TSBP1: variants seen among roughly 807,000 people sequenced by gnomAD.
TSBP1 encodes the protein testis expressed basic protein 1.
In TSBP1, 56 loss-of-function variants were observed where a neutral mutation model predicts 68.8. The observed-to-expected ratio is 0.81, with a 90% CI of 0.66 to 1.02. The LOEUF is 1.02. Among genes scored for constraint, TSBP1 ranks in the 50% least tolerant of loss-of-function variants. TSBP1 has a pLI of 0.00. For missense variants in TSBP1, 502 were observed against 641.2 expected (o/e 0.78, Z 2.34); for synonymous variants, 171 against 208.7 (o/e 0.82, Z 1.56).
chr6:32,311,539 G>C (rs1222043191), intron 19 of TSBP1, among the ~76,000 whole-genome samples: 4 of 152,170 alleles, frequency 2.6e-5, no homozygotes, highest in Admixed American at 2.6e-4. Context: ...GATTCTTGAG[G>C]CTGTGCAGTG....
intron 22 of TSBP1, among the ~76,000 whole-genome samples, chr6:32,296,241 C>CAATTATCAATT (rs772305110): frequency 0.046 from 7,004 of 152,158 alleles, 360 homozygotes; most frequent in African/African-American, 0.13. Flanking sequence ...CACATAACTT[C>CAATTATCAATT]AGAATTTTAT....
Position 32,343,173 on chromosome 6 carries a change from A to G in TSBP1, c.350-3535T>C. 2.2e-6 allele frequency: 2 copies of G among 925,694 alleles called. No individual in the cohort carries two copies. Among genetic ancestry groups the G allele is most frequent in the Non-Finnish European group, 3.0e-6 (2 of 674,516 alleles). The allele number at this position is 925,694 out of a possible 1,614,324, so 57.3% of individuals were successfully genotyped here. ...GAAACAGGAAATAGTTAAGACAGGG[A>G]GAAGTCCTCTGCCTAGCATAGGAGC... On this transcript the variant is annotated intron_variant, in intron 9 of 22. Coordinates refer to ENST00000612031, the Ensembl canonical transcript of TSBP1. The surrounding 1 kb of genome is among the most constrained non-coding windows in gnomAD (Gnocchi z 4.3).
At chr6:32,368,795 G>A in exon 3 of TSBP1, 1 of 1,586,764 alleles carries the variant, frequency 6.3e-7, no homozygotes, top group South Asian at 1.1e-5. Context: ...GTTCTGAACT[G>A]TATCTGGAGA....
exon 23 of TSBP1, chr6:32,293,274 C>G: frequency 6.2e-7 from 1 of 1,607,024 alleles, no homozygotes; most frequent in Non-Finnish European, 8.5e-7. Context: ...TCCAGTGTTT[C>G]TGGTACACTC....
rs1766365245 is a variant in TSBP1, at chr6:32,311,104, G to C, written c.580+4668C>G. On this transcript the variant is annotated intron_variant, in intron 19 of 22. Coordinates refer to ENST00000612031, the Ensembl canonical transcript of TSBP1. The stretch of plus-strand genomic sequence containing the variant: ...AGTGCTGCGAGACCCCCCCTTTACT[G>C]GTTCTCCTTCTTTCTCCCTGCTCAC... Among the ~76,000 whole-genome samples the C allele has an allele frequency of 2.6e-5, 4 of 151,746 alleles. No homozygotes were observed. The South Asian group carries it at 8.3e-4, about 32-fold the overall frequency.
Position 32,364,021 on chromosome 6 carries a change from G to A in TSBP1, c.217+2146C>T, listed in dbSNP as rs1050008193. ...TTTACGGGTAAAGAGTTATTGGTTGGCAGTTTTTTTCTTTCAGCAAATTGA... is the reference window on the plus strand; with the variant it reads ...TTTACGGGTAAAGAGTTATTGGTTGACAGTTTTTTTCTTTCAGCAAATTGA... On this transcript the variant is annotated intron_variant, in intron 6 of 22. Coordinates refer to ENST00000612031, the Ensembl canonical transcript of TSBP1. Among the ~76,000 whole-genome samples, 8 of 152,050 alleles carry A rather than the reference G, an allele frequency of 5.3e-5. No homozygotes were observed. In the South Asian group the frequency reaches 6.2e-4, roughly 12 times the overall value.
At chr6:32,367,821 AGATATGCT>A in intron 4 of TSBP1, 96 bp downstream of exon 4, 1 of 816,694 alleles carries the variant, frequency 1.2e-6, no homozygotes, top group South Asian at 1.8e-5. Context: ...TAAAAACGAA[AGATATGCT>A]GACTCAACAA....
intron 4 of TSBP1, among the ~76,000 whole-genome samples, chr6:32,367,547 A>G (rs1282834304): frequency 6.6e-6 from 1 of 152,184 alleles, no homozygotes; most frequent in Non-Finnish European, 1.5e-5. Context: ...AAATGGGGAT[A>G]AGCTTTGTTT....
At chr6:32,293,916 G>C in exon 23 of TSBP1, 1 of 1,612,652 alleles carries the variant, frequency 6.2e-7, no homozygotes, top group Non-Finnish European at 8.5e-7. Flanking sequence ...TCATTCTTTA[G>C]TGCTTCCTTG....
chr6:32,357,177 A>G lies in TSBP1; in HGVS notation c.218-1508T>C, dbSNP rs903550636. Among the ~76,000 whole-genome samples, 1 of 152,216 alleles carries G rather than the reference A, an allele frequency of 6.6e-6. No individual in the cohort carries two copies. Among genetic ancestry groups the G allele is most frequent in the Admixed American group, 6.5e-5 (1 of 15,290 alleles). On this transcript the variant is annotated intron_variant, in intron 6 of 22. Coordinates refer to ENST00000612031, the Ensembl canonical transcript of TSBP1. The surrounding 1 kb of genome is among the most constrained non-coding windows in gnomAD (Gnocchi z 4.7). ...GGACTGGAAAGTCAGAGAAATAGTC[A>G]TTTGGGTTTATGAATTTTAAAGTAT...
At position 32,333,274 on chromosome 6, in the gene TSBP1, T is replaced by C. The variant is rs1769268890; in HGVS notation, c.473-1220A>G. On this transcript the variant is annotated intron_variant, in intron 14 of 22. Transcript: ENST00000612031. This position sits in a 1 kb window ranked among gnomAD's most constrained non-coding sequence, Gnocchi z 4.2. ...ATCCCCTGGTCTTAGCCTCCCAAAGTGCTGGGATTACTGCACCCAGCCGAA... is the reference window on the plus strand; with the variant it reads ...ATCCCCTGGTCTTAGCCTCCCAAAGCGCTGGGATTACTGCACCCAGCCGAA... Among the ~76,000 whole-genome samples, 1 of 152,076 alleles carries C rather than the reference T, an allele frequency of 6.6e-6. No individual in the cohort carries two copies. The highest frequency in any genetic ancestry group is 2.4e-5 in the African/African-American group (1 of 41,404).
rs940270638 is a variant in TSBP1, at chr6:32,336,105, AC to A, written c.431-174del. 6.6e-6 allele frequency among the ~76,000 whole-genome samples: 1 copy of A among 152,164 alleles called. No individual in the cohort carries two copies. Among genetic ancestry groups the A allele is most frequent in the African/African-American group, 2.4e-5 (1 of 41,434 alleles). ...GCAGGCTCCCTGCACAATATAAGGG[AC>A]CTACAGGAATGGAGGCCTCCTCCTG... On this transcript the variant is annotated intron_variant, in intron 12 of 22. Transcript: ENST00000612031. This position sits in a 1 kb window ranked among gnomAD's most constrained non-coding sequence, Gnocchi z 5.2.
chr6:32,355,526 A>G (rs752552002), intron 7 of TSBP1, 123 bp downstream of exon 7: 195 of 1,251,530 alleles, frequency 1.6e-4, no homozygotes, highest in Non-Finnish European at 2.0e-4. Flanking sequence ...AACTTTATCT[A>G]TTGCTTAGTA....
rs2127581211 is a variant in TSBP1 at position 32,316,172 on chromosome 6, A to G, written c.560-380T>C. Reference sequence around the variant, plus strand: ...ACATCATTATGGATTTCATCTCTCAATAATTCTGCTTACGTGTTATTTCAT... The same window carrying G: ...ACATCATTATGGATTTCATCTCTCAGTAATTCTGCTTACGTGTTATTTCAT... On this transcript the variant is annotated intron_variant, in intron 18 of 22. Coordinates refer to ENST00000612031, the Ensembl canonical transcript of TSBP1. The surrounding 1 kb of genome is among the most constrained non-coding windows in gnomAD (Gnocchi z 4.5). 6.6e-6 allele frequency among the ~76,000 whole-genome samples: 1 copy of G among 152,352 alleles called. No homozygotes were observed. The highest frequency in any genetic ancestry group is 1.5e-5 in the Non-Finnish European group (1 of 68,024).
intron 9 of TSBP1, among the ~76,000 whole-genome samples, chr6:32,347,284 C>T (rs1450895509): frequency 6.6e-6 from 1 of 151,768 alleles, no homozygotes; most frequent in Admixed American, 6.6e-5. Flanking sequence ...CCACCTCAGC[C>T]TTCCAAGTAG....
At position 32,328,040 on chromosome 6, in the gene TSBP1, G is replaced by A. The variant is rs142846951; in HGVS notation, c.514+2549C>T. 6.7e-3 allele frequency among the ~76,000 whole-genome samples: 1,015 copies of A among 151,656 alleles called. 17 individuals carry two copies. The highest frequency in any genetic ancestry group is 0.02 in the East Asian group (102 of 5,150). On this transcript the variant is annotated intron_variant, in intron 16 of 22. Coordinates refer to ENST00000612031, the Ensembl canonical transcript of TSBP1. ...AGGATGGTCTCCATCTCCTGACTTC[G>A]TGATCTGCCCACCTTGGCCTCCCAA...
intron 9 of TSBP1, among the ~76,000 whole-genome samples, chr6:32,345,107 G>A (rs1020427716): frequency 1.1e-4 from 16 of 151,082 alleles, no homozygotes; most frequent in Middle Eastern, 3.5e-3. Context: ...CTCCTACTTC[G>A]GCCTCCCAAA....
rs140033884 is a variant in TSBP1, at chr6:32,365,060, A to ATTTT, written c.217+1103_217+1106dup. 0.038 allele frequency among the ~76,000 whole-genome samples: 5,543 copies of ATTTT among 145,422 alleles called. 313 individuals carry two copies. Among genetic ancestry groups the ATTTT allele is most frequent in the African/African-American group, 0.12 (4,721 of 39,262 alleles). On this transcript the variant is annotated intron_variant, in intron 6 of 22. Transcript: ENST00000612031. The surrounding 1 kb of genome is among the most constrained non-coding windows in gnomAD (Gnocchi z 4.3). The stretch of plus-strand genomic sequence containing the variant: ...AGGTGTGCACCGCCACATCCAACTG[A>ATTTT]TTTTTTTTTTTTTTAGAGACGGAGT...
At position 32,365,652 on chromosome 6, in the gene TSBP1, T is replaced by C; in HGVS notation, c.217+515A>G. On this transcript the variant is annotated intron_variant, in intron 6 of 22. Coordinates refer to ENST00000612031, the Ensembl canonical transcript of TSBP1. This position sits in a 1 kb window ranked among gnomAD's most constrained non-coding sequence, Gnocchi z 4.3. ...GTGGGCACTCATTAAGTTCTGCACA[T>C]TTTTTCTGTGGGAGAAATTGTGGGC... 1 of 454,882 alleles carries C rather than the reference T, an allele frequency of 2.2e-6. No homozygotes were observed. Among genetic ancestry groups the C allele is most frequent in the South Asian group, 1.6e-5 (1 of 64,436 alleles). 28.2% of individuals were successfully genotyped at this position (454,882 alleles called of 1,614,324 possible).
Sources: gnomAD v4.1 joint callset for allele counts (sites outside exome capture counted in the v4.1 genomes callset) on GRCh38, gnomAD v4.1.1 for gene constraint, Gnocchi (gnomAD v3.1) non-coding constraint, MANE v1.5 for transcripts, NCBI Gene and HGNC (gene_info 2026-07-23, HGNC 2026-07-21) for gene names.